The following CHMP1B variants were observed in gnomAD, a reference collection of about 807,000 sequenced individuals.
CHMP1B encodes charged multivesicular body protein 1B, also known as VPS46 homolog B.
CHMP1B carries 5 observed loss-of-function variants against 11.5 expected under a neutral mutation model. The ratio of observed to expected loss-of-function variants is 0.43; its 90% CI spans 0.23 to 0.91. The LOEUF is 0.91. Ranked by LOEUF, CHMP1B falls within the 40% of genes least tolerant of loss-of-function variation. The pLI, the probability that CHMP1B is intolerant of heterozygous loss-of-function variation, is 0.25. For synonymous variants in CHMP1B, 105 were observed against 105.7 expected, an observed-to-expected ratio of 0.99 and a Z score of 0.04; for missense variants, 246 against 261.2, an observed-to-expected ratio of 0.94 and a Z score of 0.40.
rs188014726 is a variant in CHMP1B at position 11,851,816 on chromosome 18, C to T, written c.305C>T (p.Thr102Ile). 1.2e-5 allele frequency: 19 copies of T among 1,613,942 alleles called. No homozygotes were observed. The highest frequency in any genetic ancestry group is 8.3e-5 in the Admixed American group (5 of 60,024). ...MAGVVKSMDATLKTMNLEKIS... is the reference protein window; with the variant it reads ...MAGVVKSMDAILKTMNLEKIS... ...GGTGTGGTTAAGTCGATGGATGCGA[C>T]ATTGAAGACCATGAATCTGGAGAAG... The change falls in exon 1 of 1, where the codon ACA becomes ATA. Residue 102 changes from threonine (T) to isoleucine (I), a missense_variant. Physicochemically the swap from Thr to Ile is moderately conservative, Grantham distance 89. Coordinates refer to ENST00000526991, the MANE Select transcript of CHMP1B (RefSeq NM_020412.5).
Position 11,852,297 on chromosome 18 carries a change from T to C in CHMP1B, c.*186T>C, listed in dbSNP as rs919222527. On this transcript the variant is annotated 3_prime_UTR_variant, in exon 1 of 1. Coordinates refer to ENST00000526991, the MANE Select transcript of CHMP1B (RefSeq NM_020412.5). ...CAGTATTTCTGCACTCTTAGCTGGA[T>C]TCTAAAGTTCTGTATAGCTCGTAAT... is the stretch of plus-strand genomic sequence containing the variant. 1.7e-5 allele frequency: 12 copies of C among 688,672 alleles called. No individual in the cohort carries two copies. Among genetic ancestry groups the C allele is most frequent in the African/African-American group, 1.6e-4 (9 of 55,310 alleles). 42.7% of individuals were successfully genotyped at this position (688,672 alleles called of 1,614,324 possible). A position where few individuals can be genotyped will look rare whatever the true frequency, so the allele number is the denominator to read the frequency against.
chr18:11,852,229 C>G lies in CHMP1B; in HGVS notation c.*118C>G, dbSNP rs759403027. On this transcript the variant is annotated 3_prime_UTR_variant, in exon 1 of 1. Coordinates refer to ENST00000526991, the MANE Select transcript of CHMP1B (RefSeq NM_020412.5). ...CACGCCAGAATGCTGAAATGCCCTT[C>G]TACCTTTGGGTTTACAGCCCCCTCC... 2.4e-5 allele frequency: 31 copies of G among 1,311,364 alleles called. No homozygotes were observed. Among genetic ancestry groups the G allele is most frequent in the Non-Finnish European group, 3.0e-5 (29 of 973,728 alleles). The allele number at this position is 1,311,364 out of a possible 1,614,324, so 81.2% of individuals were successfully genotyped here.
At position 11,852,033 on chromosome 18, in the gene CHMP1B, C is replaced by G. The variant is rs2035884682; in HGVS notation, c.522C>G (p.Gly174=). 2 of 1,613,770 alleles carry G rather than the reference C, an allele frequency of 1.2e-6. No individual in the cohort carries two copies. The highest frequency in any genetic ancestry group is 2.7e-5 in the African/African-American group (2 of 75,048). ...LNMELPQGQT[G]SVGTSVASAE... ...TGGAGCTGCCGCAGGGCCAGACCGGCTCCGTGGGCACGAGCGTGGCTTCGG... is the reference window on the plus strand; with the variant it reads ...TGGAGCTGCCGCAGGGCCAGACCGGGTCCGTGGGCACGAGCGTGGCTTCGG... Residue 174 remains glycine (G), a synonymous_variant, in exon 1 of 1, where the codon GGC becomes GGG. Coordinates refer to ENST00000526991, the MANE Select transcript of CHMP1B (RefSeq NM_020412.5).
chr18:11,851,804 C>T lies in CHMP1B; in HGVS notation c.293C>T (p.Ser98Leu). ...AAGTCGATGGCTGGTGTGGTTAAGT[C>T]GATGGATGCGACATTGAAGACCATG... The part of the protein sequence containing the change: ...VTKSMAGVVK[S>L]MDATLKTMNL... Residue 98 changes from serine (S) to leucine (L), a missense_variant, in exon 1 of 1, where the codon TCG becomes TTG. Transcript: ENST00000526991. 6.2e-7 allele frequency: 1 copy of T among 1,613,880 alleles called. No homozygotes were observed. Among genetic ancestry groups the T allele is most frequent in the Non-Finnish European group, 8.5e-7 (1 of 1,179,896 alleles).
Position 11,851,431 on chromosome 18 carries a change from G to C in CHMP1B, c.-81G>C. 16 of 1,432,072 alleles carry C rather than the reference G, an allele frequency of 1.1e-5. No individual in the cohort carries two copies. Among genetic ancestry groups the C allele is most frequent in the Non-Finnish European group, 1.5e-5 (16 of 1,092,500 alleles). 88.7% of individuals were successfully genotyped at this position (1,432,072 alleles called of 1,614,324 possible). On this transcript the variant is annotated 5_prime_UTR_variant, in exon 1 of 1. Transcript: ENST00000526991. ...GTGGGACCAAAACAAAGGAGCGGCG[G>C]CCGGGAGCGGACTTACCTTACCTTC...
chr18:11,853,409 C>T lies in CHMP1B; in HGVS notation c.*1298C>T, dbSNP rs1351429158. ...CCACCGCTTTCTCATAGCCTCGAAA[C>T]ATGGAGAAAAGCAACTTGCTTTTGC... On this transcript the variant is annotated 3_prime_UTR_variant, in exon 1 of 1. Transcript: ENST00000526991. The T allele has an allele frequency of 6.0e-6, 1 of 167,122 alleles. No homozygotes were observed. The highest frequency in any genetic ancestry group is 2.4e-5 in the African/African-American group (1 of 41,458). 10.4% of individuals were successfully genotyped at this position (167,122 alleles called of 1,614,324 possible).
In CHMP1B at chr18:11,851,655, G is replaced by A; in HGVS notation, c.144G>A (p.Ala48=). 2 of 1,614,032 alleles carry A rather than the reference G, an allele frequency of 1.2e-6. No individual in the cohort carries two copies. The highest frequency in any genetic ancestry group is 1.7e-6 in the Non-Finnish European group (2 of 1,179,904). The change falls in exon 1 of 1, where the codon GCG becomes GCA. Residue 48 remains alanine, a synonymous_variant. Coordinates refer to ENST00000526991, the MANE Select transcript of CHMP1B (RefSeq NM_020412.5). ...KAIQKGNMEV[A]RIHAENAIRQ... ...TTCAGAAGGGCAACATGGAAGTTGC[G>A]AGGATACACGCCGAAAATGCCATCC... is the stretch of plus-strand genomic sequence containing the variant.
rs1253716499 is a variant in CHMP1B at position 11,851,486 on chromosome 18, C to T, written c.-26C>T. 24 of 1,512,482 alleles carry T rather than the reference C, an allele frequency of 1.6e-5. No homozygotes were observed. The highest frequency in any genetic ancestry group is 1.9e-5 in the Non-Finnish European group (22 of 1,135,856). 93.7% of individuals were successfully genotyped at this position (1,512,482 alleles called of 1,614,324 possible). A position where few individuals can be genotyped will look rare whatever the true frequency, so the allele number is the denominator to read the frequency against. On this transcript the variant is annotated 5_prime_UTR_variant, in exon 1 of 1. Coordinates refer to ENST00000526991, the MANE Select transcript of CHMP1B (RefSeq NM_020412.5). ...CCTTCGGCGCGCTTCTCAGCCGGGC[C>T]GCCGACCCAAAGGAGCCGTCCGACT...
Position 11,853,930 on chromosome 18 carries a change from C to G in CHMP1B, c.*1819C>G, listed in dbSNP as rs1309262893. ...CTCCACCTCCCGGGTTCAAGTGATT[C>G]TCCTGCCTCAGCCTGCCGAGTAGCT... On this transcript the variant is annotated 3_prime_UTR_variant, in exon 1 of 1. Coordinates refer to ENST00000526991, the MANE Select transcript of CHMP1B (RefSeq NM_020412.5). The G allele has an allele frequency of 1.8e-5, 3 of 166,668 alleles. No homozygotes were observed. The highest frequency in any genetic ancestry group is 4.1e-4 in the South Asian group (2 of 4,830). The allele number at this position is 166,668 out of a possible 1,614,324, so 10.3% of individuals were successfully genotyped here.
In CHMP1B at chr18:11,854,198, A is replaced by T. The variant is rs1461024396; in HGVS notation, c.*2087A>T. 6.0e-6 allele frequency: 1 copy of T among 167,114 alleles called. No homozygotes were observed. Among genetic ancestry groups the T allele is most frequent in the Non-Finnish European group, 1.5e-5 (1 of 68,124 alleles). The allele number at this position is 167,114 out of a possible 1,614,324, so 10.4% of individuals were successfully genotyped here. A position where few individuals can be genotyped will look rare whatever the true frequency, so the allele number is the denominator to read the frequency against. ...TTAGTGTTGAACCCTTTGGTAAACT[A>T]AAGACCCTTTTATAATGCACATATT... On this transcript the variant is annotated 3_prime_UTR_variant, in exon 1 of 1. Transcript: ENST00000526991.
rs1218127595 is a variant in CHMP1B, at chr18:11,853,982, C to G, written c.*1871C>G. ...GAATTACAGGTGTGCACCACCATGC[C>G]CAGCTAGTTTTTTTGTATTTTTAGT... On this transcript the variant is annotated 3_prime_UTR_variant, in exon 1 of 1. Transcript: ENST00000526991. The G allele has an allele frequency of 6.7e-5, 11 of 165,158 alleles. No homozygotes were observed. 10.2% of individuals were successfully genotyped at this position (165,158 alleles called of 1,614,324 possible).
Position 11,851,758 on chromosome 18 carries a change from G to A in CHMP1B, c.247G>A (p.Val83Met), listed in dbSNP as rs993999075. Reference protein sequence around the residue: ...DAVAARVQTAVTMGKVTKSMA... With the variant: ...DAVAARVQTAMTMGKVTKSMA... The stretch of plus-strand genomic sequence containing the variant: ...AGTGGCTGCCAGGGTCCAGACGGCG[G>A]TGACGATGGGCAAGGTGACCAAGTC... The change falls in exon 1 of 1, where the codon GTG becomes ATG. Residue 83 changes from valine to methionine, a missense_variant. Transcript: ENST00000526991. The A allele has an allele frequency of 1.4e-5, 22 of 1,613,908 alleles. No individual in the cohort carries two copies. The highest frequency in any genetic ancestry group is 1.7e-5 in the Non-Finnish European group (20 of 1,179,894).
Position 11,853,282 on chromosome 18 carries a change from A to G in CHMP1B, c.*1171A>G, listed in dbSNP as rs572128027. ...AAGTAAAGAGGTAGGACTGGAAGGA[A>G]GGAGAAAGCTTGAGTCTTTAAGGCT... is the stretch of plus-strand genomic sequence containing the variant. On this transcript the variant is annotated 3_prime_UTR_variant, in exon 1 of 1. Transcript: ENST00000526991. 22 of 167,272 alleles carry G rather than the reference A, an allele frequency of 1.3e-4. No homozygotes were observed. Among genetic ancestry groups the G allele is most frequent in the African/African-American group, 5.3e-4 (22 of 41,598 alleles). The allele number at this position is 167,272 out of a possible 1,614,324, so 10.4% of individuals were successfully genotyped here.
rs1049514462 is a variant in CHMP1B, at chr18:11,852,597, T to C, written c.*486T>C. ...GGACTGTGCTATTTCTGTTTATCCTTTGGGTTTTGGTTTTTGTTTTTTTTT... is the reference window on the plus strand; with the variant it reads ...GGACTGTGCTATTTCTGTTTATCCTCTGGGTTTTGGTTTTTGTTTTTTTTT... On this transcript the variant is annotated 3_prime_UTR_variant, in exon 1 of 1. Coordinates refer to ENST00000526991, the MANE Select transcript of CHMP1B (RefSeq NM_020412.5). The C allele has an allele frequency of 2.3e-5, 3 of 130,014 alleles. No individual in the cohort carries two copies. Among genetic ancestry groups the C allele is most frequent in the African/African-American group, 1.0e-4 (3 of 29,418 alleles). 8.1% of individuals were successfully genotyped at this position (130,014 alleles called of 1,614,324 possible). A position where few individuals can be genotyped will look rare whatever the true frequency, so the allele number is the denominator to read the frequency against.
chr18:11,851,496 A>G lies in CHMP1B; in HGVS notation c.-16A>G, dbSNP rs2035865224. ...GCTTCTCAGCCGGGCCGCCGACCCA[A>G]AGGAGCCGTCCGACTATGTCTAACA... is the stretch of plus-strand genomic sequence containing the variant. On this transcript the variant is annotated 5_prime_UTR_variant, in exon 1 of 1. Coordinates refer to ENST00000526991, the MANE Select transcript of CHMP1B (RefSeq NM_020412.5). The G allele has an allele frequency of 1.3e-6, 2 of 1,536,784 alleles. No individual in the cohort carries two copies. Among genetic ancestry groups the G allele is most frequent in the East Asian group, 4.7e-5 (2 of 42,728 alleles).
Position 11,851,970 on chromosome 18 carries a change from C to G in CHMP1B, c.459C>G (p.Leu153=), listed in dbSNP as rs189786598. The change falls in exon 1 of 1, where the codon CTC becomes CTG. Residue 153 remains leucine, a synonymous_variant. Transcript: ENST00000526991. ...TTPQNQVDML[L]QEMADEAGLD... is the part of the protein sequence containing the mutation. ...CCCAGAACCAAGTGGATATGCTGCT[C>G]CAGGAAATGGCAGATGAGGCGGGCC... 3.7e-6 allele frequency: 6 copies of G among 1,613,946 alleles called. No individual in the cohort carries two copies. In the East Asian group the frequency reaches 1.3e-4, roughly 36 times the overall value.
rs979711503 is a variant in CHMP1B at position 11,853,623 on chromosome 18, GA to G, written c.*1521del. ...ATGTTTCCCAGTGTAAATGAGTAAG[GA>G]AAAAAAAAGTGTAACAGGTGCGTGC... On this transcript the variant is annotated 3_prime_UTR_variant, in exon 1 of 1. Transcript: ENST00000526991. 60 of 165,608 alleles carry G rather than the reference GA, an allele frequency of 3.6e-4. No individual in the cohort carries two copies. Among genetic ancestry groups the G allele is most frequent in the Middle Eastern group, 3.4e-3 (1 of 294 alleles). The allele number at this position is 165,608 out of a possible 1,614,324, so 10.3% of individuals were successfully genotyped here.
rs749058189 is a variant in CHMP1B, at chr18:11,853,527, T to C, written c.*1416T>C. ...TTTTTCCATAAGAGAATTCCATTGTTTCAGAAAATAATTATAGGGGCCCTT... is the reference window on the plus strand; with the variant it reads ...TTTTTCCATAAGAGAATTCCATTGTCTCAGAAAATAATTATAGGGGCCCTT... On this transcript the variant is annotated 3_prime_UTR_variant, in exon 1 of 1. Coordinates refer to ENST00000526991, the MANE Select transcript of CHMP1B (RefSeq NM_020412.5). 5 of 167,100 alleles carry C rather than the reference T, an allele frequency of 3.0e-5. No individual in the cohort carries two copies. The highest frequency in any genetic ancestry group is 7.3e-5 in the Non-Finnish European group (5 of 68,122). The allele number at this position is 167,100 out of a possible 1,614,324, so 10.4% of individuals were successfully genotyped here. A position where few individuals can be genotyped will look rare whatever the true frequency, so the allele number is the denominator to read the frequency against.
rs1045230288 is a variant in CHMP1B, at chr18:11,851,436, G to A, written c.-76G>A. 5 of 1,443,616 alleles carry A rather than the reference G, an allele frequency of 3.5e-6. No individual in the cohort carries two copies. The highest frequency in any genetic ancestry group is 2.5e-5 in the East Asian group (1 of 40,266). The allele number at this position is 1,443,616 out of a possible 1,614,324, so 89.4% of individuals were successfully genotyped here. On this transcript the variant is annotated 5_prime_UTR_variant, in exon 1 of 1. Coordinates refer to ENST00000526991, the MANE Select transcript of CHMP1B (RefSeq NM_020412.5). ...ACCAAAACAAAGGAGCGGCGGCCGG[G>A]AGCGGACTTACCTTACCTTCTCTGC...
Sources: gnomAD v4.1 joint callset for allele counts on GRCh38, gnomAD v4.1.1 for gene constraint, MANE v1.5 for transcripts, NCBI Gene and HGNC (gene_info 2026-07-23, HGNC 2026-07-21) for gene names.